CLSTN2: variants seen among roughly 807,000 people sequenced by gnomAD.
CLSTN2 encodes calsyntenin 2.
In CLSTN2, 48 loss-of-function variants were observed where a neutral mutation model predicts 101.2. That is an observed-to-expected ratio of 0.47 (90% confidence interval 0.38 to 0.60). The LOEUF is 0.60. Ranked by LOEUF, CLSTN2 falls within the 20% of genes least tolerant of loss-of-function variation. CLSTN2 has a pLI of 0.00. For missense variants in CLSTN2, 1,160 were observed against 1,238.2 expected, an observed-to-expected ratio of 0.94 and a Z score of 0.95; for synonymous variants, 481 against 463.6, an observed-to-expected ratio of 1.04 and a Z score of -0.48.
intron 1 of CLSTN2, among the ~76,000 whole-genome samples, chr3:140,060,518 G>A (rs1017043235): frequency 4.6e-5 from 7 of 150,810 alleles, no homozygotes; most frequent in Middle Eastern, 3.2e-3. Context: ...CTGGTCCTCA[G>A]GGGTAGCCCC....
chr3:140,233,313 G>A (rs970294887), intron 2 of CLSTN2, among the ~76,000 whole-genome samples: 4 of 152,140 alleles, frequency 2.6e-5, no homozygotes, highest in Non-Finnish European at 5.9e-5. Context: ...TCTCAACAGA[G>A]GCTGACCTTC....
At chr3:140,015,504 A>T (rs993021017) in intron 1 of CLSTN2, among the ~76,000 whole-genome samples, 1 of 152,242 alleles carries the variant, frequency 6.6e-6, no homozygotes, top group African/African-American at 2.4e-5. Context: ...GAGGTTGGTC[A>T]ACAGGATTTC....
intron 2 of CLSTN2, among the ~76,000 whole-genome samples, chr3:140,244,152 G>T (rs1323805542): frequency 6.6e-6 from 1 of 152,202 alleles, no homozygotes; most frequent in South Asian, 2.1e-4. Flanking sequence ...TCAAGCCAGG[G>T]TTATGTAGCA....
At chr3:140,017,817 T>C (rs1481319031) in intron 1 of CLSTN2, among the ~76,000 whole-genome samples, 2 of 152,244 alleles carry the variant, frequency 1.3e-5, no homozygotes, top group Non-Finnish European at 2.9e-5. Context: ...AGGCCTTTGC[T>C]TCTACCTGCA....
intron 8 of CLSTN2, among the ~76,000 whole-genome samples, chr3:140,509,742 C>T (rs956821177): frequency 6.6e-6 from 1 of 152,198 alleles, no homozygotes; most frequent in Non-Finnish European, 1.5e-5. Flanking sequence ...TTCGTTGAGA[C>T]TGGATTTCCT....
At chr3:140,557,891 C>T (rs186635366) in intron 11 of CLSTN2, among the ~76,000 whole-genome samples, 1 of 152,326 alleles carries the variant, frequency 6.6e-6, no homozygotes, top group Admixed American at 6.5e-5. Context: ...TGAGCTCAAA[C>T]CATGATGCAA....
intron 5 of CLSTN2, among the ~76,000 whole-genome samples, chr3:140,444,164 T>C (rs996412881): frequency 6.6e-6 from 1 of 152,214 alleles, no homozygotes; most frequent in Non-Finnish European, 1.5e-5. Flanking sequence ...AAAAAAGCTA[T>C]GTGGCCTGTA....
At chr3:140,356,415 A>G (rs1355593899) in intron 2 of CLSTN2, among the ~76,000 whole-genome samples, 1 of 152,182 alleles carries the variant, frequency 6.6e-6, no homozygotes, top group Non-Finnish European at 1.5e-5. Flanking sequence ...CAAGCCCTAC[A>G]TGGACCTGAG....
At chr3:140,446,254 G>A (rs1933074925) in intron 5 of CLSTN2, among the ~76,000 whole-genome samples, 3 of 152,150 alleles carry the variant, frequency 2.0e-5, no homozygotes, top group Admixed American at 6.5e-5. Flanking sequence ...GGGAGGGGAT[G>A]GGCTAATCCA....
intron 4 of CLSTN2, among the ~76,000 whole-genome samples, chr3:140,417,957 G>A (rs2088449480): frequency 6.6e-6 from 1 of 152,130 alleles, no homozygotes; most frequent in Admixed American, 6.5e-5. Context: ...ATTAAGACTT[G>A]TTATGGAAGT....
chr3:140,478,906 G>T (rs1297260861), intron 8 of CLSTN2, among the ~76,000 whole-genome samples: 2 of 150,376 alleles, frequency 1.3e-5, no homozygotes, highest in African/African-American at 4.9e-5. Flanking sequence ...AAGGAAGGAA[G>T]GGAGGCAGGC....
At chr3:140,103,615 A>G (rs962469255) in intron 1 of CLSTN2, among the ~76,000 whole-genome samples, 3 of 152,220 alleles carry the variant, frequency 2.0e-5, no homozygotes, top group Non-Finnish European at 2.9e-5. Context: ...CCTAGTCTCA[A>G]TATATCAGAT....
intron 6 of CLSTN2, among the ~76,000 whole-genome samples, chr3:140,450,885 A>G (rs1933231683): frequency 6.6e-6 from 1 of 152,206 alleles, no homozygotes. Flanking sequence ...GGGAAGGCCT[A>G]TGGGGCTGCA....
At chr3:140,418,238 A>G (rs149544049) in intron 4 of CLSTN2, among the ~76,000 whole-genome samples, 174 of 152,260 alleles carry the variant, frequency 1.1e-3, no homozygotes, top group Non-Finnish European at 4.3e-4. Flanking sequence ...ATAACCACAT[A>G]TAAGTTTGAG....
rs1243659871 is a variant in CLSTN2, at chr3:140,018,337, T to A, written c.109+82854T>A. 1.4e-4 allele frequency among the ~76,000 whole-genome samples: 22 copies of A among 152,186 alleles called. 1 individual carries two copies. ...TGGAGGGGAGACATTTTGCCATAAC[T>A]CCAGCAGCAGCAATATTATAGCAGT... On this transcript the variant is annotated intron_variant, in intron 1 of 16. Transcript: ENST00000458420.
At chr3:140,550,030 C>A (rs2085628131) in intron 10 of CLSTN2, among the ~76,000 whole-genome samples, 1 of 150,710 alleles carries the variant, frequency 6.6e-6, no homozygotes, top group Admixed American at 6.6e-5. Flanking sequence ...TTTCATAGCA[C>A]AATCCCTGCC....
chr3:140,061,569 G>A (rs1030410161), intron 1 of CLSTN2, among the ~76,000 whole-genome samples: 1 of 152,184 alleles, frequency 6.6e-6, no homozygotes, highest in Non-Finnish European at 1.5e-5. Context: ...GAAGTCCCCT[G>A]CACCACTCTC....
chr3:139,999,565 C>T (rs749048320), intron 1 of CLSTN2, among the ~76,000 whole-genome samples: 15 of 152,046 alleles, frequency 9.9e-5, no homozygotes, highest in Non-Finnish European at 1.6e-4. Context: ...CAGAGAGGGG[C>T]AGCTCTTCTG....
intron 8 of CLSTN2, among the ~76,000 whole-genome samples, chr3:140,515,711 T>C (rs1480927013): frequency 6.6e-6 from 1 of 152,106 alleles, no homozygotes; most frequent in East Asian, 1.9e-4. Context: ...TCCAATTTCA[T>C]TGTGGTCTGA....
Sources: gnomAD v4.1 joint callset for allele counts (sites outside exome capture counted in the v4.1 genomes callset) on GRCh38, gnomAD v4.1.1 for gene constraint, MANE v1.5 for transcripts, NCBI Gene and HGNC (gene_info 2026-07-23, HGNC 2026-07-21) for gene names.